Variants in CDH4 observed in about 807,000 individuals in gnomAD.
CDH4 encodes the protein cadherin 4.
CDH4 carries 33 observed loss-of-function variants against 86.0 expected under a neutral mutation model. That is an observed-to-expected ratio of 0.38 (90% CI 0.29 to 0.51). The LOEUF (loss-of-function observed/expected upper bound fraction) is 0.51, where lower values mean the gene tolerates loss of function less well. CDH4 is among the 20% of genes least tolerant of loss of function. The pLI, the probability that CDH4 is intolerant of heterozygous loss-of-function variation, is 0.86. For missense variants in CDH4, 1,114 were observed against 1,307.4 expected, an observed-to-expected ratio of 0.85 and a Z score of 2.28; for synonymous variants, 555 against 549.4, an observed-to-expected ratio of 1.01 and a Z score of -0.14.
At chr20:61,425,514 G>A (rs1376941755) in intron 2 of CDH4, among the ~76,000 whole-genome samples, 1 of 152,236 alleles carries the variant, frequency 6.6e-6, no homozygotes, top group Non-Finnish European at 1.5e-5. Flanking sequence ...TGGGCTCTGA[G>A]GTCGAGCCTA....
Position 61,487,990 on chromosome 20 carries a change from C to A in CDH4, c.169+233053C>A, listed in dbSNP as rs186810363. On this transcript the variant is annotated intron_variant, in intron 2 of 15. Coordinates refer to ENST00000614565, the MANE Select transcript of CDH4 (RefSeq NM_001794.5). ...CGGTTGTCATGATATCTGTTTGTCA[C>A]CCCCAGAGGCAAATGGAGGCAGTTC... Among the ~76,000 whole-genome samples the A allele has an allele frequency of 2.9e-4, 44 of 152,296 alleles. No homozygotes were observed. The East Asian group carries it at 6.6e-3, about 23-fold the overall frequency.
chr20:61,306,522 G>C (rs1441951278), intron 2 of CDH4, among the ~76,000 whole-genome samples: 10 of 152,016 alleles, frequency 6.6e-5, no homozygotes, highest in Non-Finnish European at 1.5e-4. Context: ...ATTTTTAGTA[G>C]AGATGGGGTT....
At chr20:61,593,589 G>C (rs1014713105) in intron 2 of CDH4, among the ~76,000 whole-genome samples, 2 of 152,178 alleles carry the variant, frequency 1.3e-5, no homozygotes, top group Admixed American at 1.3e-4. Flanking sequence ...AGATTTTTCA[G>C]AATGAGAGTC....
At chr20:61,845,094 TG>T (rs66836866) in intron 5 of CDH4, among the ~76,000 whole-genome samples, 68,407 of 152,104 alleles carry the variant, frequency 0.45, 17,292 homozygotes, top group Non-Finnish European at 0.58. Context: ...GGGCCCACAC[TG>T]GGAGAACTAC....
intron 4 of CDH4, among the ~76,000 whole-genome samples, chr20:61,801,354 A>G (rs893570564): frequency 1.1e-4 from 16 of 152,204 alleles, no homozygotes; most frequent in African/African-American, 3.9e-4. Context: ...ATCAACCACA[A>G]ACACTGGTGT....
At position 61,377,705 on chromosome 20, in the gene CDH4, C is replaced by A. The variant is rs757087021; in HGVS notation, c.169+122768C>A. 6.6e-6 allele frequency among the ~76,000 whole-genome samples: 1 copy of A among 152,214 alleles called. No homozygotes were observed. Among genetic ancestry groups the A allele is most frequent in the Admixed American group, 6.5e-5 (1 of 15,278 alleles). On this transcript the variant is annotated intron_variant, in intron 2 of 15. Transcript: ENST00000614565. The surrounding 1 kb of genome is among the most constrained non-coding windows in gnomAD (Gnocchi z 4.0). ...CCAGAAGTCTTAGGCTGTTAATGTG[C>A]CATAACCACTGGCTCCAAGCAATTC...
intron 4 of CDH4, among the ~76,000 whole-genome samples, chr20:61,799,121 GTTAC>G (rs1177803564): frequency 6.6e-6 from 1 of 152,234 alleles, no homozygotes; most frequent in Non-Finnish European, 1.5e-5. Context: ...CTCATCAACT[GTTAC>G]TTGTAATTAG....
chr20:61,852,160 C>G (rs547099292), intron 5 of CDH4, among the ~76,000 whole-genome samples: 1 of 152,130 alleles, frequency 6.6e-6, no homozygotes, highest in Admixed American at 6.5e-5. Context: ...TATTCCCCTG[C>G]TGTGCCCAAG....
intron 4 of CDH4, among the ~76,000 whole-genome samples, chr20:61,802,981 A>G (rs558257854): frequency 6.6e-6 from 1 of 152,264 alleles, no homozygotes; most frequent in Non-Finnish European, 1.5e-5. Flanking sequence ...GCAGCTGGGG[A>G]GGCAGAGGAG....
chr20:61,410,456 TCCATCCATC>T lies in CDH4; in HGVS notation c.169+155521_169+155529del, dbSNP rs2085111945. ...TCCCACTGGTCCATCCATCCATCCA[TCCATCCATC>T]CATCCTCTCACTTGTTAGTCCATTG... On this transcript the variant is annotated intron_variant, in intron 2 of 15. Transcript: ENST00000614565. 2.3e-5 allele frequency among the ~76,000 whole-genome samples: 3 copies of T among 130,720 alleles called. No individual in the cohort carries two copies. In the South Asian group the frequency reaches 1.2e-3, roughly 52 times the overall value. 85.8% of individuals were successfully genotyped at this position (130,720 alleles called of 152,430 possible). A position where few individuals can be genotyped will look rare whatever the true frequency, so the allele number is the denominator to read the frequency against.
intron 2 of CDH4, among the ~76,000 whole-genome samples, chr20:61,714,018 CTTTTT>C (rs960115596): frequency 7.7e-6 from 1 of 129,638 alleles, no homozygotes; most frequent in Non-Finnish European, 1.6e-5. Context: ...ATTGTCTATT[CTTTTT>C]TTATTTTATT....
At chr20:61,927,312 C>T (rs1345988405) in intron 11 of CDH4, among the ~76,000 whole-genome samples, 1 of 149,600 alleles carries the variant, frequency 6.7e-6, no homozygotes, top group Non-Finnish European at 1.5e-5. Context: ...GCCACCTGGC[C>T]TGCATCCTGG....
chr20:61,274,331 A>G (rs1286561575), intron 2 of CDH4, among the ~76,000 whole-genome samples: 15 of 80,840 alleles, frequency 1.9e-4, no homozygotes, highest in South Asian at 4.8e-4. Context: ...GGGGAGTACC[A>G]TGGGCAGTTT....
chr20:61,329,148 C>A (rs904628954), intron 2 of CDH4, among the ~76,000 whole-genome samples: 2 of 152,202 alleles, frequency 1.3e-5, no homozygotes, highest in African/African-American at 2.4e-5. Flanking sequence ...TTGTACTGAA[C>A]GTGTATCATT....
chr20:61,710,328 G>C (rs1187608375), intron 2 of CDH4, among the ~76,000 whole-genome samples: 1 of 152,160 alleles, frequency 6.6e-6, no homozygotes, highest in Non-Finnish European at 1.5e-5. Context: ...GCTGCCGATT[G>C]GTTCTCTGGG....
chr20:61,379,138 C>T (rs1223318535), intron 2 of CDH4, among the ~76,000 whole-genome samples: 3 of 152,122 alleles, frequency 2.0e-5, no homozygotes, highest in Admixed American at 2.0e-4. Context: ...CGTGGCCTGC[C>T]TGACAAGTGG....
rs528520896 is a variant in CDH4 at position 61,860,054 on chromosome 20, C to T, written c.877+7156C>T. Among the ~76,000 whole-genome samples, 49 of 152,354 alleles carry T rather than the reference C, an allele frequency of 3.2e-4. No individual in the cohort carries two copies. The South Asian group carries it at 3.7e-3, about 12-fold the overall frequency. On this transcript the variant is annotated intron_variant, in intron 6 of 15. Transcript: ENST00000614565. ...ACAAGGACAGTGCCTGCCTCATGGG[C>T]GGGGAAGGTCAGGGGCAGGCGTCTA...
intron 9 of CDH4, among the ~76,000 whole-genome samples, chr20:61,914,815 C>T (rs184501186): frequency 9.3e-4 from 141 of 152,260 alleles, no homozygotes; most frequent in African/African-American, 3.1e-3. Flanking sequence ...TCACAGCTGC[C>T]GTCTTCCCCA....
At chr20:61,842,091 G>A (rs1201735558) in intron 4 of CDH4, among the ~76,000 whole-genome samples, 1 of 152,180 alleles carries the variant, frequency 6.6e-6, no homozygotes, top group Non-Finnish European at 1.5e-5. Context: ...TCTTTGATAC[G>A]AATTAAGCTG....
Sources: gnomAD v4.1 joint callset for allele counts (sites outside exome capture counted in the v4.1 genomes callset) on GRCh38, gnomAD v4.1.1 for gene constraint, Gnocchi (gnomAD v3.1) non-coding constraint, MANE v1.5 for transcripts, NCBI Gene and HGNC (gene_info 2026-07-23, HGNC 2026-07-21) for gene names.